Variants in TBC1D16 observed in about 807,000 individuals in gnomAD.
TBC1D16 encodes the protein CTD-2529O21.1.
In TBC1D16, 58 loss-of-function variants were observed where a neutral mutation model predicts 74.7. The ratio of observed to expected loss-of-function variants is 0.78; its 90% CI spans 0.63 to 0.97. The LOEUF (loss-of-function observed/expected upper bound fraction) is 0.97, where lower values mean the gene tolerates loss of function less well. Among genes scored for constraint, TBC1D16 ranks in the 50% least tolerant of loss-of-function variants. The pLI is 0.00. For synonymous variants in TBC1D16, 493 were observed against 474.7 expected (o/e 1.04, Z -0.50); for missense variants, 1,014 against 1,079.5 (o/e 0.94, Z 0.85).
At chr17:79,997,585 C>T (rs776883835) in intron 3 of TBC1D16, among the ~76,000 whole-genome samples, 1 of 152,080 alleles carries the variant, frequency 6.6e-6, no homozygotes, top group Non-Finnish European at 1.5e-5. Context: ...TTTTTTAGAG[C>T]GATTTTAGGT....
At chr17:80,029,466 T>C (rs1490025230) in intron 1 of TBC1D16, among the ~76,000 whole-genome samples, 1 of 152,192 alleles carries the variant, frequency 6.6e-6, no homozygotes, top group Non-Finnish European at 1.5e-5. Flanking sequence ...AAACTTGGCC[T>C]GGAACAGCCA....
At position 79,974,332 on chromosome 17, in the gene TBC1D16, G is replaced by A. The variant is rs142340444; in HGVS notation, c.780-21514C>T. 2.2e-3 allele frequency among the ~76,000 whole-genome samples: 335 copies of A among 152,186 alleles called. 3 individuals carry two copies. The highest frequency in any genetic ancestry group is 7.7e-3 in the African/African-American group (319 of 41,518). On this transcript the variant is annotated intron_variant, in intron 3 of 11. Coordinates refer to ENST00000310924, the MANE Select transcript of TBC1D16 (RefSeq NM_019020.4). ...CGGTTCACTGCAACTTCCGCCTCCC[G>A]GGTTCAAGCGATTCTCCTGCCTCAG...
At chr17:80,028,541 G>A (rs375504946) in intron 1 of TBC1D16, among the ~76,000 whole-genome samples, 8,057 of 148,810 alleles carry the variant, frequency 0.054, 649 homozygotes, top group African/African-American at 0.18. Flanking sequence ...AAAAGAAAAA[G>A]AAAAAAAAGA....
intron 3 of TBC1D16, among the ~76,000 whole-genome samples, chr17:80,006,677 C>A (rs1389300225): frequency 1.3e-5 from 2 of 151,126 alleles, no homozygotes; most frequent in African/African-American, 4.9e-5. Flanking sequence ...TTTTTTTTTC[C>A]AGACAGAGTA....
rs372690201 is a variant in TBC1D16 at position 79,950,432 on chromosome 17, C to T, written c.1236G>A (p.Glu412=). 41 of 1,611,838 alleles carry T rather than the reference C, an allele frequency of 2.5e-5. No individual in the cohort carries two copies. The highest frequency in any genetic ancestry group is 3.1e-5 in the Non-Finnish European group (37 of 1,179,516). ...LNHLNELGQV[E]EEYKLRKAIF... ...TCACCTTCCGCAGCTTGTACTCCTCCTCCACCTGGCCCAGCTCATTCAGGT... is the reference window on the plus strand; with the variant it reads ...TCACCTTCCGCAGCTTGTACTCCTCTTCCACCTGGCCCAGCTCATTCAGGT... Residue 412 remains glutamate (E), a synonymous_variant, in exon 6 of 12, where the codon GAG becomes GAA. Transcript: ENST00000310924. This position sits in a 1 kb window ranked among gnomAD's most constrained non-coding sequence, Gnocchi z 4.6.
intron 3 of TBC1D16, among the ~76,000 whole-genome samples, chr17:79,982,374 G>C (rs1041301773): frequency 1.2e-4 from 18 of 151,448 alleles, no homozygotes; most frequent in South Asian, 8.4e-4. Context: ...TTGAACTCCT[G>C]ACCTCGTGAT....
At chr17:79,969,899 G>T (rs543946917) in intron 3 of TBC1D16, among the ~76,000 whole-genome samples, 1 of 152,078 alleles carries the variant, frequency 6.6e-6, no homozygotes, top group South Asian at 2.1e-4. Context: ...CCGAGATCAC[G>T]CCATTGCACT....
chr17:79,970,805 C>T (rs537104851), intron 3 of TBC1D16, among the ~76,000 whole-genome samples: 1 of 145,114 alleles, frequency 6.9e-6, no homozygotes, highest in East Asian at 2.1e-4. Flanking sequence ...ATAAGCTAAG[C>T]ACATCAGAGA....
chr17:80,010,083 G>T lies in TBC1D16; in HGVS notation c.779+77C>A. 1 of 1,201,456 alleles carries T rather than the reference G, an allele frequency of 8.3e-7. No homozygotes were observed. The highest frequency in any genetic ancestry group is 1.2e-6 in the Non-Finnish European group (1 of 863,932). The allele number at this position is 1,201,456 out of a possible 1,614,324, so 74.4% of individuals were successfully genotyped here. On this transcript the variant is annotated intron_variant, in intron 3 of 11. Coordinates refer to ENST00000310924, the MANE Select transcript of TBC1D16 (RefSeq NM_019020.4). The surrounding 1 kb of genome is among the most constrained non-coding windows in gnomAD (Gnocchi z 8.8). ...CCAGCGCTCACCTGGCATCACAGGT[G>T]ACGCAGGTGAGTGCTTCCTGCCCAG...
chr17:80,015,269 A>C (rs905297418), intron 1 of TBC1D16, among the ~76,000 whole-genome samples: 19 of 151,950 alleles, frequency 1.3e-4, no homozygotes, highest in Admixed American at 5.2e-4. Flanking sequence ...GTCTTGACTA[A>C]AAATAGAAAA....
chr17:79,995,497 C>T (rs2035235395), intron 3 of TBC1D16, among the ~76,000 whole-genome samples: 1 of 151,762 alleles, frequency 6.6e-6, no homozygotes. Flanking sequence ...AGAAAACCTT[C>T]AGGATCGGCC....
In TBC1D16 at chr17:80,025,260, G is replaced by A. The variant is rs895792745; in HGVS notation, c.-63+10535C>T. Among the ~76,000 whole-genome samples, 22 of 149,998 alleles carry A rather than the reference G, an allele frequency of 1.5e-4. No individual in the cohort carries two copies. The East Asian group carries it at 2.3e-3, about 16-fold the overall frequency. On this transcript the variant is annotated intron_variant, in intron 1 of 11. Coordinates refer to ENST00000310924, the MANE Select transcript of TBC1D16 (RefSeq NM_019020.4). ...TCTACCAGCTTTGCCTCTGTTCTCCGACAGCGCCAGTGTTGACACGCCAGA... is the reference window on the plus strand; with the variant it reads ...TCTACCAGCTTTGCCTCTGTTCTCCAACAGCGCCAGTGTTGACACGCCAGA...
At position 79,975,217 on chromosome 17, in the gene TBC1D16, T is replaced by C. The variant is rs1308176104; in HGVS notation, c.780-22399A>G. On this transcript the variant is annotated intron_variant, in intron 3 of 11. Coordinates refer to ENST00000310924, the MANE Select transcript of TBC1D16 (RefSeq NM_019020.4). The surrounding 1 kb of genome is among the most constrained non-coding windows in gnomAD (Gnocchi z 4.5). ...TTTTGTTTTGTTTTTCCCTTTGCATTTGGTGAACTCCGTGTCAGGAAAGCT... is the reference window on the plus strand; with the variant it reads ...TTTTGTTTTGTTTTTCCCTTTGCATCTGGTGAACTCCGTGTCAGGAAAGCT... Among the ~76,000 whole-genome samples, 1 of 152,192 alleles carries C rather than the reference T, an allele frequency of 6.6e-6. No homozygotes were observed. The highest frequency in any genetic ancestry group is 1.9e-4 in the East Asian group (1 of 5,202).
rs1030665738 is a variant in TBC1D16 at position 79,990,678 on chromosome 17, A to G, written c.779+19482T>C. ...ATACCATTCCTATTTTTGTGCAACC[A>G]TGACACCACCCATCTCCAGAACTCT... On this transcript the variant is annotated intron_variant, in intron 3 of 11. Coordinates refer to ENST00000310924, the MANE Select transcript of TBC1D16 (RefSeq NM_019020.4). The surrounding 1 kb of genome is among the most constrained non-coding windows in gnomAD (Gnocchi z 4.8). 2.0e-5 allele frequency among the ~76,000 whole-genome samples: 3 copies of G among 152,186 alleles called. No homozygotes were observed. Among genetic ancestry groups the G allele is most frequent in the Non-Finnish European group, 1.5e-5 (1 of 68,038 alleles).
intron 3 of TBC1D16, among the ~76,000 whole-genome samples, chr17:79,999,958 G>A (rs1016633035): frequency 2.0e-5 from 3 of 152,080 alleles, no homozygotes; most frequent in African/African-American, 4.8e-5. Context: ...AGACTCACTC[G>A]CTCAGCTCTA....
Position 79,985,869 on chromosome 17 carries a change from G to C in TBC1D16, c.779+24291C>G, listed in dbSNP as rs978538473. On this transcript the variant is annotated intron_variant, in intron 3 of 11. Transcript: ENST00000310924. The surrounding 1 kb of genome is among the most constrained non-coding windows in gnomAD (Gnocchi z 4.9). ...ACAAACTGCCAATCAAGGCTGTGGA[G>C]GTCAAAGGGGACCAAATCAGGGGCC... Among the ~76,000 whole-genome samples the C allele has an allele frequency of 6.6e-6, 1 of 152,186 alleles. No homozygotes were observed. The highest frequency in any genetic ancestry group is 2.4e-5 in the African/African-American group (1 of 41,436).
At position 79,944,337 on chromosome 17, in the gene TBC1D16, C is replaced by A. The variant is rs1156372129; in HGVS notation, c.1908+571G>T. On this transcript the variant is annotated intron_variant, in intron 10 of 11. Coordinates refer to ENST00000310924, the MANE Select transcript of TBC1D16 (RefSeq NM_019020.4). The surrounding 1 kb of genome is among the most constrained non-coding windows in gnomAD (Gnocchi z 7.7). ...TATCTTTTGACATCTCCAGCTTGTC[C>A]CTAGTTTGGGCGTTAAGGCCATGTG... 6.6e-6 allele frequency among the ~76,000 whole-genome samples: 1 copy of A among 152,116 alleles called. No individual in the cohort carries two copies. The highest frequency in any genetic ancestry group is 1.9e-4 in the East Asian group (1 of 5,188).
At chr17:79,999,021 C>G (rs945819346) in intron 3 of TBC1D16, among the ~76,000 whole-genome samples, 2 of 152,040 alleles carry the variant, frequency 1.3e-5, no homozygotes, top group African/African-American at 4.8e-5. Flanking sequence ...TCTGGGAGGC[C>G]GAGGCGGGGG....
chr17:79,988,752 C>G lies in TBC1D16; in HGVS notation c.779+21408G>C, dbSNP rs967785574. On this transcript the variant is annotated intron_variant, in intron 3 of 11. Coordinates refer to ENST00000310924, the MANE Select transcript of TBC1D16 (RefSeq NM_019020.4). The surrounding 1 kb of genome is among the most constrained non-coding windows in gnomAD (Gnocchi z 5.7). ...AACCTCAAAGCAAAACTTAGAAGGC[C>G]CCTGCTTGTTTTATCAGTTAGAGCC... Among the ~76,000 whole-genome samples, 23 of 152,294 alleles carry G rather than the reference C, an allele frequency of 1.5e-4. No homozygotes were observed. Among genetic ancestry groups the G allele is most frequent in the African/African-American group, 5.3e-4 (22 of 41,562 alleles).
Sources: gnomAD v4.1 joint callset for allele counts (sites outside exome capture counted in the v4.1 genomes callset) on GRCh38, gnomAD v4.1.1 for gene constraint, Gnocchi (gnomAD v3.1) non-coding constraint, MANE v1.5 for transcripts, NCBI Gene and HGNC (gene_info 2026-07-23, HGNC 2026-07-21) for gene names.